NEBL: variants seen among roughly 807,000 people sequenced by gnomAD.
NEBL encodes nebulette.
In NEBL, 122 loss-of-function variants were observed where a neutral mutation model predicts 140.2. The observed-to-expected ratio is 0.87, with a 90% CI of 0.75 to 1.01. NEBL has a LOEUF of 1.01. NEBL is among the 50% of genes least tolerant of loss of function. The probability of loss-of-function intolerance (pLI) is 0.00; values close to 1 mark genes in which losing one functional copy is unlikely to be tolerated. For missense variants in NEBL, 1,365 were observed against 1,231.3 expected, an observed-to-expected ratio of 1.11 and a Z score of -1.62; for synonymous variants, 436 against 398.9, an observed-to-expected ratio of 1.09 and a Z score of -1.11.
intron 2 of NEBL, among the ~76,000 whole-genome samples, chr10:21,045,997 A>T (rs535312145): frequency 8.4e-6 from 1 of 119,064 alleles, no homozygotes; most frequent in East Asian, 2.6e-4. Context: ...AATGGATAAA[A>T]AAATGTGGTA....
At chr10:21,059,638 A>G (rs543858921) in intron 2 of NEBL, among the ~76,000 whole-genome samples, 34 of 152,256 alleles carry the variant, frequency 2.2e-4, no homozygotes, top group African/African-American at 3.1e-4. Flanking sequence ...ACATTTGTTC[A>G]CACCAAGTTA....
intron 26 of NEBL, among the ~76,000 whole-genome samples, chr10:20,798,176 A>G (rs186244834): frequency 6.6e-6 from 1 of 152,284 alleles, no homozygotes; most frequent in Admixed American, 6.5e-5. Flanking sequence ...AGGCAGTAAT[A>G]AGTAGCAAAT....
chr10:21,220,872 A>G (rs546315168), intron 3 of NEBL, among the ~76,000 whole-genome samples: 1 of 152,326 alleles, frequency 6.6e-6, no homozygotes, highest in Non-Finnish European at 1.5e-5. Context: ...AACAAGACAT[A>G]CAGTTGGGCA....
chr10:20,817,819 T>G, intron 20 of NEBL, 127 bp from the exon 21 acceptor site: 2 of 782,960 alleles, frequency 2.6e-6, no homozygotes, highest in Non-Finnish European at 4.5e-6. Flanking sequence ...TACATCAACC[T>G]TCACGCTTAC....
rs771390703 is a variant in NEBL at position 20,812,720 on chromosome 10, C to T, written c.2518+49G>A. ...AGGGTAATTCTGAAGCTAGAGCAAGCATGATCTTTTCGACCACACACACCG... is the reference window on the plus strand; with the variant it reads ...AGGGTAATTCTGAAGCTAGAGCAAGTATGATCTTTTCGACCACACACACCG... On this transcript the variant is annotated intron_variant, in intron 24 of 27. Transcript: ENST00000377122. 3.7e-6 allele frequency: 6 copies of T among 1,606,214 alleles called. No homozygotes were observed. The East Asian group carries it at 1.3e-4, about 36-fold the overall frequency.
rs1397571256 is a variant in NEBL, at chr10:20,871,150, G to C, written c.481-1309C>G. Among the ~76,000 whole-genome samples the C allele has an allele frequency of 4.6e-5, 7 of 152,310 alleles. 1 individual carries two copies. Among genetic ancestry groups the C allele is most frequent in the Admixed American group, 4.6e-4 (7 of 15,290 alleles). The stretch of plus-strand genomic sequence containing the variant: ...CAGAGCACAGAAAGATCACAGAAAT[G>C]TGTCACTGGACATCTGTACAAAATG... On this transcript the variant is annotated intron_variant, in intron 5 of 27. Transcript: ENST00000377122.
intron 26 of NEBL, among the ~76,000 whole-genome samples, chr10:20,798,168 G>C (rs958560266): frequency 6.6e-6 from 1 of 151,834 alleles, no homozygotes; most frequent in Non-Finnish European, 1.5e-5. Flanking sequence ...GAAAGATCAG[G>C]CAGTAATAAG....
chr10:20,829,607 AG>A (rs1840213001), intron 16 of NEBL, among the ~76,000 whole-genome samples: 1 of 151,972 alleles, frequency 6.6e-6, no homozygotes, highest in Non-Finnish European at 1.5e-5. Flanking sequence ...TTAAAAAAAA[AG>A]AAAGGTAACT....
chr10:20,843,298 T>A (rs1841566072), intron 12 of NEBL, among the ~76,000 whole-genome samples: 2 of 152,068 alleles, frequency 1.3e-5, no homozygotes, highest in South Asian at 4.1e-4. Context: ...TCCAGAACTT[T>A]GAGAAAAGTC....
At chr10:21,196,556 G>A (rs768541072) in intron 3 of NEBL, among the ~76,000 whole-genome samples, 3 of 151,672 alleles carry the variant, frequency 2.0e-5, no homozygotes, top group Non-Finnish European at 4.4e-5. Flanking sequence ...TGTTGGCCAG[G>A]CTGGTCTCGA....
At chr10:21,094,230 C>T (rs1282047713) in intron 2 of NEBL, among the ~76,000 whole-genome samples, 5 of 152,018 alleles carry the variant, frequency 3.3e-5, no homozygotes, top group Admixed American at 2.0e-4. Context: ...AGGCCGGAGA[C>T]GGTGGCTCAC....
chr10:21,124,677 G>A (rs1343158883), intron 2 of NEBL, among the ~76,000 whole-genome samples: 6 of 152,264 alleles, frequency 3.9e-5, no homozygotes, highest in Non-Finnish European at 2.9e-5. Context: ...ACAAGGCCGA[G>A]CATAGTGGGT....
chr10:20,931,254 C>G (rs1486643031), intron 4 of NEBL, among the ~76,000 whole-genome samples: 1 of 152,150 alleles, frequency 6.6e-6, no homozygotes, highest in Non-Finnish European at 1.5e-5. Context: ...TTAAATTCTT[C>G]TGCAATGAGA....
intron 13 of NEBL, among the ~76,000 whole-genome samples, chr10:20,836,994 C>G (rs1238389660): frequency 6.6e-6 from 1 of 152,140 alleles, no homozygotes; most frequent in Non-Finnish European, 1.5e-5. Flanking sequence ...TCAGCCGTTC[C>G]TCTATCTCTT....
chr10:21,228,797 A>G (rs1386185600), intron 3 of NEBL, among the ~76,000 whole-genome samples: 6 of 152,178 alleles, frequency 3.9e-5, no homozygotes, highest in Non-Finnish European at 7.4e-5. Context: ...CTTTGCCCCA[A>G]CTGCAGGCCT....
intron 5 of NEBL, among the ~76,000 whole-genome samples, chr10:20,878,854 A>G (rs906782351): frequency 6.6e-6 from 1 of 152,190 alleles, no homozygotes; most frequent in African/African-American, 2.4e-5. Context: ...CCTCAATCAA[A>G]GACCTTTTAG....
chr10:21,123,104 T>C (rs546068128), intron 2 of NEBL, among the ~76,000 whole-genome samples: 6 of 152,324 alleles, frequency 3.9e-5, no homozygotes, highest in Non-Finnish European at 8.8e-5. Flanking sequence ...GACTGCCTTC[T>C]ACAGGTGGCC....
chr10:20,841,719 C>T (rs1339580772), intron 12 of NEBL, among the ~76,000 whole-genome samples: 6 of 152,094 alleles, frequency 3.9e-5, no homozygotes. Context: ...TGCAATCACT[C>T]ATGGAATAGA....
rs78233380 is a variant in NEBL, at chr10:21,197,802, C to T, written n.349-25325G>A. 8.3e-3 allele frequency among the ~76,000 whole-genome samples: 1,265 copies of T among 152,264 alleles called. 22 individuals carry two copies. Among genetic ancestry groups the T allele is most frequent in the African/African-American group, 0.029 (1,200 of 41,534 alleles). Reference sequence around the variant, plus strand: ...TACATACCAGTGAAACTACTGATGTCGGCTGGTCTTTGAGACCCCATGAGA... The same window carrying T: ...TACATACCAGTGAAACTACTGATGTTGGCTGGTCTTTGAGACCCCATGAGA... On this transcript the variant is annotated intron_variant and non_coding_transcript_variant, in intron 3 of 8. Transcript: ENST00000675702.
Sources: allele counts gnomAD v4.1 joint callset (sites outside exome capture counted in the v4.1 genomes callset), GRCh38; gene constraint gnomAD v4.1.1; transcripts MANE v1.5; gene names NCBI Gene and HGNC (gene_info 2026-07-23, HGNC 2026-07-21).